AIM2: variants seen among roughly 807,000 people sequenced by gnomAD.
AIM2 encodes the protein absent in melanoma 2.
In AIM2, 30 loss-of-function variants were observed where a neutral mutation model predicts 27.7. The ratio of observed to expected loss-of-function variants is 1.08; its 90% CI spans 0.81 to 1.47. The LOEUF (loss-of-function observed/expected upper bound fraction) is 1.47, where lower values mean the gene tolerates loss of function less well. Among genes scored for constraint, AIM2 ranks in the 40% most tolerant of loss-of-function variants. The pLI, the probability that AIM2 is intolerant of heterozygous loss-of-function variation, is 0.00. For synonymous variants in AIM2, 141 were observed against 145.3 expected (o/e 0.97, Z 0.21); for missense variants, 358 against 411.3 (o/e 0.87, Z 1.12).
intron 1 of AIM2, among the ~76,000 whole-genome samples, chr1:159,119,342 GTAC>G (rs1486694143): frequency 1.3e-5 from 2 of 152,048 alleles, no homozygotes; most frequent in African/African-American, 2.4e-5. Flanking sequence ...AGGAGTTGGT[GTAC>G]TAATAACCTC....
intron 1 of AIM2, among the ~76,000 whole-genome samples, chr1:159,085,735 T>C (rs1244611104): frequency 1.3e-5 from 2 of 152,124 alleles, no homozygotes; most frequent in African/African-American, 4.8e-5. Context: ...AGCAAGTGGT[T>C]GGGCTAAAGA....
At chr1:159,084,262 A>G (rs1369534991) in intron 1 of AIM2, among the ~76,000 whole-genome samples, 1 of 152,138 alleles carries the variant, frequency 6.6e-6, no homozygotes, top group Non-Finnish European at 1.5e-5. Context: ...ATGTGATCAA[A>G]TGAAAAAACC....
upstream of AIM2, among the ~76,000 whole-genome samples, chr1:159,077,372 C>A (rs569092412): frequency 6.6e-6 from 1 of 152,198 alleles, no homozygotes; most frequent in African/African-American, 2.4e-5. Flanking sequence ...GATGGTTAAT[C>A]CGGAACTGTC....
chr1:159,116,975 G>A (rs1647370282), intron 1 of AIM2, among the ~76,000 whole-genome samples: 1 of 152,154 alleles, frequency 6.6e-6, no homozygotes, highest in East Asian at 1.9e-4. Flanking sequence ...AGATATGTGA[G>A]TACAGAAAAA....
At chr1:159,136,523 T>A (rs983618717) in intron 1 of AIM2, among the ~76,000 whole-genome samples, 5 of 152,230 alleles carry the variant, frequency 3.3e-5, no homozygotes. Flanking sequence ...GCTTCTACTA[T>A]GCTCATGGTT....
intron 1 of AIM2, among the ~76,000 whole-genome samples, chr1:159,112,021 G>A (rs1657588201): frequency 1.3e-5 from 2 of 151,884 alleles, no homozygotes; most frequent in African/African-American, 4.8e-5. Context: ...CAGCCTGGGC[G>A]ACAGAGTGAG....
chr1:159,073,540 G>T (rs1312702153), intron 1 of AIM2, 21 bp from the exon 2 acceptor site: 1 of 1,583,584 alleles, frequency 6.3e-7, no homozygotes, highest in South Asian at 1.1e-5. Context: ...TCCAAAACAT[G>T]TAAGATTACA....
intron 1 of AIM2, among the ~76,000 whole-genome samples, chr1:159,136,453 C>T (rs1648010755): frequency 1.3e-5 from 2 of 152,170 alleles, no homozygotes; most frequent in Admixed American, 6.5e-5. Flanking sequence ...TACATTCATA[C>T]AAGTAAATAG....
chr1:159,103,158 T>C (rs78167611), intron 1 of AIM2, among the ~76,000 whole-genome samples: 11,334 of 152,240 alleles, frequency 0.074, 651 homozygotes, highest in South Asian at 0.23. Flanking sequence ...TGAGATCTGG[T>C]GGTTTTATAT....
chr1:159,144,647 T>G (rs1197651087), upstream of AIM2, among the ~76,000 whole-genome samples: 1 of 152,210 alleles, frequency 6.6e-6, no homozygotes, highest in Non-Finnish European at 1.5e-5. Flanking sequence ...AAATCTGTAT[T>G]GATTTAATTC....
chr1:159,061,703 C>CCTG (rs556332049), downstream of AIM2, among the ~76,000 whole-genome samples: 6 of 151,800 alleles, frequency 4.0e-5, no homozygotes, highest in Non-Finnish European at 8.8e-5. Context: ...CCGTGCCTGG[C>CCTG]CTGGATACAG....
chr1:159,127,992 C>T (rs567499183), intron 1 of AIM2, among the ~76,000 whole-genome samples: 4 of 152,264 alleles, frequency 2.6e-5, no homozygotes, highest in African/African-American at 7.2e-5. Flanking sequence ...CTGTTCCCTT[C>T]ATAACAAACT....
At chr1:159,105,736 C>T (rs894251895) in intron 1 of AIM2, among the ~76,000 whole-genome samples, 4 of 152,086 alleles carry the variant, frequency 2.6e-5, no homozygotes, top group Admixed American at 1.3e-4. Context: ...CTAGTAGTCC[C>T]GATGTCTATG....
chr1:159,142,349 AAC>A (rs1045666865), upstream of AIM2, among the ~76,000 whole-genome samples: 2 of 152,148 alleles, frequency 1.3e-5, no homozygotes, highest in African/African-American at 2.4e-5. Context: ...GTGAAGAAAA[AAC>A]AGTGTTCAGT....
intron 1 of AIM2, among the ~76,000 whole-genome samples, chr1:159,105,183 G>A (rs1474222304): frequency 6.6e-6 from 1 of 152,234 alleles, no homozygotes; most frequent in Non-Finnish European, 1.5e-5. Flanking sequence ...AGCTGCTGCG[G>A]CAGGGCAGGC....
In AIM2 at chr1:159,073,424, TA is replaced by T. The variant is rs774248430; in HGVS notation, c.75del (p.Phe25LeufsTer24). The T allele has an allele frequency of 1.9e-6, 3 of 1,614,028 alleles. No individual in the cohort carries two copies. Among genetic ancestry groups the T allele is most frequent in the Non-Finnish European group, 2.5e-6 (3 of 1,180,030 alleles). ...DNITDEELDR[F>X]KFFLSDEFNI... ...TTAAACTCGTCTGAAAGAAAGAACT[TA>T]AACCTATCCAGTTCCTCATCAGTGA... On this transcript the variant is annotated frameshift_variant, in exon 2 of 6. Coordinates refer to ENST00000368130, the MANE Select transcript of AIM2 (RefSeq NM_004833.3). LOFTEE classifies it high-confidence loss of function.
chr1:159,147,005 C>G (rs1436938279), intron 1 of AIM2: 1 of 152,264 alleles, frequency 6.6e-6, no homozygotes, highest in African/African-American at 2.4e-5. Flanking sequence ...ATTCCTGAGG[C>G]TTACCTGGAA....
chr1:159,123,980 C>A (rs1172313209), intron 1 of AIM2, among the ~76,000 whole-genome samples: 2 of 152,168 alleles, frequency 1.3e-5, no homozygotes, highest in Non-Finnish European at 2.9e-5. Context: ...CTCATTTACT[C>A]CACTTTCCCA....
intron 1 of AIM2, among the ~76,000 whole-genome samples, chr1:159,136,271 A>G (rs988809467): frequency 2.6e-5 from 4 of 152,218 alleles, no homozygotes; most frequent in African/African-American, 9.6e-5. Context: ...AGCTTGATCC[A>G]TACAATCTGA....
Sources: gnomAD v4.1 joint callset for allele counts (sites outside exome capture counted in the v4.1 genomes callset) on GRCh38, gnomAD v4.1.1 for gene constraint, MANE v1.5 for transcripts, NCBI Gene and HGNC (gene_info 2026-07-23, HGNC 2026-07-21) for gene names.